MRAP: variants seen among roughly 807,000 people sequenced by gnomAD.
MRAP encodes melanocortin 2 receptor accessory protein.
MRAP carries 8 observed loss-of-function variants against 8.7 expected under a neutral mutation model. The ratio of observed to expected loss-of-function variants is 0.92; its 90% CI spans 0.54 to 1.66. MRAP has a LOEUF of 1.66. MRAP is among the 40% of genes most tolerant of loss of function. The probability of loss-of-function intolerance (pLI) is 0.00; values close to 1 mark genes in which losing one functional copy is unlikely to be tolerated. For synonymous variants in MRAP, 95 were observed against 95.5 expected, an observed-to-expected ratio of 1.00 and a Z score of 0.03; for missense variants, 237 against 217.1, an observed-to-expected ratio of 1.09 and a Z score of -0.58.
Position 32,298,992 on chromosome 21 carries a change from C to T in MRAP, c.21C>T (p.Ala7=). 6.2e-7 allele frequency: 1 copy of T among 1,614,148 alleles called. No homozygotes were observed. Among genetic ancestry groups the T allele is most frequent in the Non-Finnish European group, 8.5e-7 (1 of 1,179,962 alleles). Residue 7 remains alanine, a synonymous_variant, in exon 1 of 3, where the codon GCC becomes GCT. Coordinates refer to ENST00000303645, the MANE Select transcript of MRAP (RefSeq NM_001379228.1). MANGTN[A]SAPYYSYEYY... is the part of the protein sequence containing the mutation. ...CAGACATGGCCAACGGGACCAACGCCTCTGCCCCATACTACAGCTATGAAT... is the reference window on the plus strand; with the variant it reads ...CAGACATGGCCAACGGGACCAACGCTTCTGCCCCATACTACAGCTATGAAT...
At chr21:32,294,970 CA>C (rs1555897081), upstream of MRAP, among the ~76,000 whole-genome samples, 9 of 151,558 alleles carry the variant, frequency 5.9e-5, no homozygotes, top group Non-Finnish European at 1.5e-5. Flanking sequence ...ATGATAGTAT[CA>C]AAAAAGCATT....
At chr21:32,300,328 C>G (rs2032230606) in intron 1 of MRAP, among the ~76,000 whole-genome samples, 1 of 152,170 alleles carries the variant, frequency 6.6e-6, no homozygotes, top group African/African-American at 2.4e-5. Context: ...TGTCATGCAT[C>G]CTATGTCAGG....
At chr21:32,304,790 GAGAC>G (rs1185993308) in intron 1 of MRAP, among the ~76,000 whole-genome samples, 1 of 151,970 alleles carries the variant, frequency 6.6e-6, no homozygotes, top group Non-Finnish European at 1.5e-5. Context: ...TCTCAGCTCG[GAGAC>G]AGACAGGAGA....
intron 1 of MRAP, among the ~76,000 whole-genome samples, chr21:32,292,611 C>A (rs1436638689): frequency 1.3e-5 from 2 of 152,042 alleles, no homozygotes; most frequent in African/African-American, 4.8e-5. Flanking sequence ...TGTGCACCAC[C>A]ACGCCTGACT....
intron 2 of MRAP, among the ~76,000 whole-genome samples, chr21:32,309,020 C>G (rs542648416): frequency 3.3e-5 from 5 of 152,108 alleles, no homozygotes; most frequent in Non-Finnish European, 7.4e-5. Context: ...ATTGGCACAG[C>G]GTCTTAGTGT....
At chr21:32,308,739 A>T (rs1385256769) in intron 2 of MRAP, 1 of 152,988 alleles carries the variant, frequency 6.5e-6, no homozygotes, top group African/African-American at 2.4e-5. Context: ...TCAGATTCTC[A>T]TCTTTGGAAT....
Position 32,306,208 on chromosome 21 carries a change from C to T in MRAP, c.107-432C>T, listed in dbSNP as rs111249870. On this transcript the variant is annotated intron_variant, in intron 1 of 2. Coordinates refer to ENST00000303645, the MANE Select transcript of MRAP (RefSeq NM_001379228.1). ...ACTCCTGGGGTCTCTGAAGCTGTTC[C>T]ACCAACGGCCCCTGGTAGGCGCTGC... Among the ~76,000 whole-genome samples, 1,358 of 152,170 alleles carry T rather than the reference C, an allele frequency of 8.9e-3. 18 individuals carry two copies. The highest frequency in any genetic ancestry group is 0.03 in the African/African-American group (1,244 of 41,524).
At chr21:32,294,330 T>C (rs528032735), upstream of MRAP, among the ~76,000 whole-genome samples, 3 of 152,150 alleles carry the variant, frequency 2.0e-5, no homozygotes, top group South Asian at 4.1e-4. Flanking sequence ...TTAGCCAGGA[T>C]GGTCTCGATC....
In MRAP at chr21:32,309,598, C is replaced by T. The variant is rs370270736; in HGVS notation, c.207-2086C>T. On this transcript the variant is annotated intron_variant, in intron 2 of 2. Coordinates refer to ENST00000303645, the MANE Select transcript of MRAP (RefSeq NM_001379228.1). ...TCCCGAGTAGCTGGGATTACAGGCA[C>T]CCGCCACGACGCACAGCTAATTTTT... Among the ~76,000 whole-genome samples the T allele has an allele frequency of 1.5e-4, 22 of 150,218 alleles. No individual in the cohort carries two copies. In the East Asian group the frequency reaches 2.7e-3, roughly 18 times the overall value.
downstream of MRAP, chr21:32,314,737 T>C (rs887283695): frequency 6.1e-6 from 9 of 1,480,988 alleles, no homozygotes; most frequent in Non-Finnish European, 9.4e-7. Flanking sequence ...CCCGAGTTTA[T>C]CATTTACTGG....
At chr21:32,298,690 T>C (rs993890368), upstream of MRAP, among the ~76,000 whole-genome samples, 1 of 152,284 alleles carries the variant, frequency 6.6e-6, no homozygotes, top group African/African-American at 2.4e-5. Flanking sequence ...AGGGCTGCCC[T>C]GGAAAGCCGT....
At chr21:32,300,599 A>G (rs2032245289) in intron 1 of MRAP, among the ~76,000 whole-genome samples, 1 of 131,700 alleles carries the variant, frequency 7.6e-6, no homozygotes, top group Non-Finnish European at 1.6e-5. Flanking sequence ...CACACGTCCT[A>G]TGTCGGATAT....
Position 32,312,273 on chromosome 21 carries a change from T to A in MRAP, c.*277T>A. The A allele has an allele frequency of 4.3e-6, 6 of 1,381,782 alleles. No individual in the cohort carries two copies. Among genetic ancestry groups the A allele is most frequent in the Non-Finnish European group, 5.6e-6 (6 of 1,066,172 alleles). The allele number at this position is 1,381,782 out of a possible 1,614,324, so 85.6% of individuals were successfully genotyped here. On this transcript the variant is annotated 3_prime_UTR_variant, in exon 3 of 3. Transcript: ENST00000303645. ...GGGAAGAGTAGGAAAATAAAATATATGCAAATCAAGAGGAAAAGCTGTTTG... is the reference window on the plus strand; with the variant it reads ...GGGAAGAGTAGGAAAATAAAATATAAGCAAATCAAGAGGAAAAGCTGTTTG...
intron 1 of MRAP, among the ~76,000 whole-genome samples, chr21:32,300,821 T>C (rs917284667): frequency 9.8e-5 from 14 of 143,514 alleles, no homozygotes; most frequent in African/African-American, 1.3e-4. Context: ...GGGCGTCATG[T>C]GTCCTATGTC....
chr21:32,295,551 T>C (rs1038813660), upstream of MRAP, among the ~76,000 whole-genome samples: 2 of 152,214 alleles, frequency 1.3e-5, no homozygotes, highest in Non-Finnish European at 1.5e-5. Flanking sequence ...ACTTGATGTT[T>C]GCCCGACACT....
At chr21:32,302,697 TC>T (rs2032319024) in intron 1 of MRAP, among the ~76,000 whole-genome samples, 2 of 152,156 alleles carry the variant, frequency 1.3e-5, no homozygotes. Flanking sequence ...GACCATCACA[TC>T]CGTGTTCACG....
Position 32,312,247 on chromosome 21 carries a change from A to G in MRAP, c.*251A>G. 7.1e-7 allele frequency: 1 copy of G among 1,418,368 alleles called. No homozygotes were observed. The highest frequency in any genetic ancestry group is 2.9e-5 in the Admixed American group (1 of 35,040). The allele number at this position is 1,418,368 out of a possible 1,614,324, so 87.9% of individuals were successfully genotyped here. On this transcript the variant is annotated 3_prime_UTR_variant, in exon 3 of 3. Coordinates refer to ENST00000303645, the MANE Select transcript of MRAP (RefSeq NM_001379228.1). ...GCTTGCTTACTGCTTATATTTGCTCAGGGAAGAGTAGGAAAATAAAATATA... is the reference window on the plus strand; with the variant it reads ...GCTTGCTTACTGCTTATATTTGCTCGGGGAAGAGTAGGAAAATAAAATATA...
chr21:32,300,935 T>C (rs1339647636), intron 1 of MRAP, among the ~76,000 whole-genome samples: 6 of 151,370 alleles, frequency 4.0e-5, no homozygotes, highest in African/African-American at 1.5e-4. Flanking sequence ...ATATATCGTG[T>C]ATGTCATATC....
At position 32,311,704 on chromosome 21, in the gene MRAP, A is replaced by C; in HGVS notation, c.227A>C (p.Gln76Pro). 6.2e-7 allele frequency: 1 copy of C among 1,614,006 alleles called. No homozygotes were observed. Among genetic ancestry groups the C allele is most frequent in the Non-Finnish European group, 8.5e-7 (1 of 1,179,980 alleles). Residue 76 changes from glutamine to proline, a missense_variant, in exon 3 of 3, where the codon CAA becomes CCA. Gln to Pro is a moderately conservative substitution (Grantham distance 76). Coordinates refer to ENST00000303645, the MANE Select transcript of MRAP (RefSeq NM_001379228.1). ...PQMRNSPKHHQTCPWSHGLNL... is the reference protein window; with the variant it reads ...PQMRNSPKHHPTCPWSHGLNL... ...CACAGGAACAGCCCCAAGCACCACC[A>C]AACATGCCCCTGGAGTCACGGCCTC...
Sources: gnomAD v4.1 joint callset for allele counts (sites outside exome capture counted in the v4.1 genomes callset) on GRCh38, gnomAD v4.1.1 for gene constraint, MANE v1.5 for transcripts, NCBI Gene and HGNC (gene_info 2026-07-23, HGNC 2026-07-21) for gene names.